The following PTK2B variants were observed in gnomAD, a reference collection of about 807,000 sequenced individuals.
PTK2B encodes the protein protein tyrosine kinase 2 beta.
Under a neutral mutation model 142.9 loss-of-function variants are expected in PTK2B, and 71 were observed. The observed-to-expected ratio is 0.50, with a 90% CI of 0.41 to 0.61. The LOEUF is 0.61. PTK2B is among the 20% of genes least tolerant of loss of function. PTK2B has a pLI of 0.00. For missense variants in PTK2B, 1,105 were observed against 1,320.4 expected, an observed-to-expected ratio of 0.84 and a Z score of 2.53; for synonymous variants, 519 against 503.4, an observed-to-expected ratio of 1.03 and a Z score of -0.42.
chr8:27,447,013 G>T (rs562034724), intron 24 of PTK2B, among the ~76,000 whole-genome samples: 1 of 152,270 alleles, frequency 6.6e-6, no homozygotes, highest in East Asian at 1.9e-4. Context: ...GCTGTGTTCG[G>T]TTTCTCCACC....
intron 9 of PTK2B, among the ~76,000 whole-genome samples, 192 bp downstream of exon 9, chr8:27,431,664 T>G (rs1198460248): frequency 1.3e-5 from 2 of 152,242 alleles, no homozygotes; most frequent in African/African-American, 2.4e-5. Flanking sequence ...AGATGGCCCT[T>G]TACATCCCTG....
At chr8:27,315,369 G>A (rs993645788) in intron 3 of PTK2B, among the ~76,000 whole-genome samples, 2 of 152,102 alleles carry the variant, frequency 1.3e-5, no homozygotes, top group African/African-American at 4.8e-5. Flanking sequence ...CACCCAACAA[G>A]TTGTTGGGTC....
intron 1 of PTK2B, among the ~76,000 whole-genome samples, chr8:27,376,955 A>G (rs1397281360): frequency 6.6e-6 from 1 of 152,062 alleles, no homozygotes; most frequent in Non-Finnish European, 1.5e-5. Flanking sequence ...TTCTTGTGTG[A>G]GATTCAAGAA....
intron 1 of PTK2B, among the ~76,000 whole-genome samples, chr8:27,336,919 T>A (rs1169053288): frequency 6.6e-6 from 1 of 151,934 alleles, no homozygotes; most frequent in Non-Finnish European, 1.5e-5. Flanking sequence ...CACTGCACCC[T>A]CTGCCTTCTG....
chr8:27,340,375 G>A (rs1436586715), intron 1 of PTK2B, among the ~76,000 whole-genome samples: 2 of 152,200 alleles, frequency 1.3e-5, no homozygotes, highest in Non-Finnish European at 2.9e-5. Context: ...GTGCTTTACA[G>A]GTTGAGAGCA....
Position 27,442,948 on chromosome 8 carries a change from T to A in PTK2B, c.2113T>A (p.Leu705Met), listed in dbSNP as rs200441000. 1 of 1,614,110 alleles carries A rather than the reference T, an allele frequency of 6.2e-7. No individual in the cohort carries two copies. The highest frequency in any genetic ancestry group is 2.2e-5 in the East Asian group (1 of 44,882). The change falls in exon 22 of 31, where the codon TTG (leucine) becomes ATG (methionine). Residue 705 changes from leucine (L) to methionine (M), a missense_variant. Physicochemically the swap from Leu to Met is conservative, Grantham distance 15. Coordinates refer to ENST00000346049, the MANE Select transcript of PTK2B (RefSeq NM_173176.3). ...TGCTCGCTACCGAACCCCCAAAATC[T>A]TGGAGCCCACAGCCTTCCAGGAACC... ...RNARYRTPKI[L>M]EPTAFQEPPP...
intron 2 of PTK2B, among the ~76,000 whole-genome samples, chr8:27,414,911 G>A (rs977258924): frequency 8.6e-5 from 13 of 151,958 alleles, no homozygotes; most frequent in African/African-American, 3.1e-4. Flanking sequence ...CCCTGACCTT[G>A]CCACCACCTC....
At chr8:27,388,194 G>T (rs539042451) in intron 1 of PTK2B, among the ~76,000 whole-genome samples, 2 of 152,340 alleles carry the variant, frequency 1.3e-5, no homozygotes, top group South Asian at 4.1e-4. Flanking sequence ...ACAAATTGAA[G>T]CATTGATTCA....
intron 1 of PTK2B, among the ~76,000 whole-genome samples, chr8:27,312,078 CTA>C (rs1340500019): frequency 1.3e-5 from 2 of 152,170 alleles, no homozygotes; most frequent in Non-Finnish European, 2.9e-5. Context: ...GCTGAGATAA[CTA>C]GAGTTCATGC....
chr8:27,458,756 C>A lies in PTK2B; in HGVS notation c.*247C>A. 1 of 561,358 alleles carries A rather than the reference C, an allele frequency of 1.8e-6. No individual in the cohort carries two copies. Among genetic ancestry groups the A allele is most frequent in the Non-Finnish European group, 3.2e-6 (1 of 312,230 alleles). The allele number at this position is 561,358 out of a possible 1,614,324, so 34.8% of individuals were successfully genotyped here. ...ACAAAGATGGCTCAGAGGGGGACTG[C>A]TGCTGCCTGGCCACTGCTCCCTAAG... On this transcript the variant is annotated 3_prime_UTR_variant, in exon 31 of 31. Transcript: ENST00000346049.
intron 21 of PTK2B, among the ~76,000 whole-genome samples, chr8:27,441,021 A>G (rs1811127230): frequency 6.6e-6 from 1 of 152,068 alleles, no homozygotes. Context: ...CAAGCCTGCC[A>G]TTAGCCCTCC....
At chr8:27,430,516 T>C (rs7827965) in intron 7 of PTK2B, 98 bp downstream of exon 7, 686,843 of 1,502,362 alleles carry the variant, frequency 0.46, 159,916 homozygotes, top group South Asian at 0.58. Context: ...GAAGCCAGGG[T>C]ATCTGCGCGG....
chr8:27,376,529 C>A (rs1400906854), intron 1 of PTK2B, among the ~76,000 whole-genome samples: 1 of 152,158 alleles, frequency 6.6e-6, no homozygotes, highest in African/African-American at 2.4e-5. Context: ...GTGTTGCATT[C>A]CCAGATGATG....
intron 2 of PTK2B, among the ~76,000 whole-genome samples, chr8:27,401,405 A>G (rs1808379153): frequency 6.6e-6 from 1 of 152,226 alleles, no homozygotes; most frequent in Non-Finnish European, 1.5e-5. Flanking sequence ...AGCAGGTGCC[A>G]GGAATCATCT....
chr8:27,349,945 C>G (rs1484314271), intron 1 of PTK2B, among the ~76,000 whole-genome samples: 1 of 152,226 alleles, frequency 6.6e-6, no homozygotes, highest in Non-Finnish European at 1.5e-5. Flanking sequence ...CTTCCACTCT[C>G]TGTTCACAGG....
chr8:27,435,738 T>C lies in PTK2B; in HGVS notation c.1193-5T>C. The C allele has an allele frequency of 6.2e-7, 1 of 1,614,116 alleles. No homozygotes were observed. The highest frequency in any genetic ancestry group is 8.5e-7 in the Non-Finnish European group (1 of 1,180,006). ...CCACGGCTGAGCCTCTTCCTGTTGTTCCAGAGTCAGACATCTACGCAGAGA... is the reference window on the plus strand; with the variant it reads ...CCACGGCTGAGCCTCTTCCTGTTGTCCCAGAGTCAGACATCTACGCAGAGA... On this transcript the variant is annotated splice_polypyrimidine_tract_variant and splice_region_variant and intron_variant, in intron 13 of 30. Coordinates refer to ENST00000346049, the MANE Select transcript of PTK2B (RefSeq NM_173176.3).
intron 27 of PTK2B, chr8:27,451,879 A>C: frequency 1.6e-6 from 1 of 638,180 alleles, no homozygotes; most frequent in South Asian, 3.6e-5. Flanking sequence ...GTTCAGATTC[A>C]TCTTCTGTAG....
chr8:27,397,974 C>T (rs1808168007), intron 2 of PTK2B, among the ~76,000 whole-genome samples, 186 bp downstream of exon 2: 1 of 152,236 alleles, frequency 6.6e-6, no homozygotes, highest in South Asian at 2.1e-4. Context: ...TCCCATACTA[C>T]TTCTCTAGGA....
intron 1 of PTK2B, among the ~76,000 whole-genome samples, chr8:27,359,340 T>G (rs962003376): frequency 2.0e-5 from 3 of 152,184 alleles, no homozygotes; most frequent in Non-Finnish European, 2.9e-5. Flanking sequence ...GGTCTCAAAC[T>G]CCTGACCTCA....
Sources: allele counts gnomAD v4.1 joint callset (sites outside exome capture counted in the v4.1 genomes callset), GRCh38; gene constraint gnomAD v4.1.1; transcripts MANE v1.5; gene names NCBI Gene and HGNC (gene_info 2026-07-23, HGNC 2026-07-21).